PAQR5: variants seen among roughly 807,000 people sequenced by gnomAD.
PAQR5 encodes the protein progestin and adipoQ receptor family member 5.
Under a neutral mutation model 34.5 loss-of-function variants are expected in PAQR5, and 20 were observed. That is an observed-to-expected ratio of 0.58 (90% CI 0.41 to 0.84). The LOEUF is 0.84. Ranked by LOEUF, PAQR5 falls within the 40% of genes least tolerant of loss-of-function variation. PAQR5 has a pLI of 0.00. For synonymous variants in PAQR5, 131 were observed against 155.6 expected (o/e 0.84, Z 1.18); for missense variants, 378 against 412.7 (o/e 0.92, Z 0.73).
At chr15:69,400,677 A>G (rs2140267661) in intron 8 of PAQR5, among the ~76,000 whole-genome samples, 1 of 152,286 alleles carries the variant, frequency 6.6e-6, no homozygotes, top group East Asian at 1.9e-4. Context: ...TCCTATGTGA[A>G]GAGAAAAAGT....
chr15:69,316,319 G>A (rs2053947640), intron 1 of PAQR5, among the ~76,000 whole-genome samples: 1 of 152,116 alleles, frequency 6.6e-6, no homozygotes, highest in African/African-American at 2.4e-5. Flanking sequence ...GACCACAGGT[G>A]ATCCACCTGC....
chr15:69,397,283 T>C (rs1383629731), intron 6 of PAQR5, 185 bp from the exon 7 acceptor site: 1 of 699,356 alleles, frequency 1.4e-6, no homozygotes, highest in Non-Finnish European at 2.6e-6. Flanking sequence ...ATCTGAAGTT[T>C]TGTCACTTCC....
intron 1 of PAQR5, among the ~76,000 whole-genome samples, chr15:69,321,497 C>G (rs1164935279): frequency 6.6e-6 from 1 of 152,162 alleles, no homozygotes; most frequent in Non-Finnish European, 1.5e-5. Flanking sequence ...AAACACATAA[C>G]CACAGTACTA....
chr15:69,364,944 G>A (rs376401705), intron 3 of PAQR5, among the ~76,000 whole-genome samples: 325 of 152,068 alleles, frequency 2.1e-3, no homozygotes, highest in Non-Finnish European at 3.9e-3. Context: ...CACTATCTTG[G>A]CCAGGCTGGT....
chr15:69,352,189 G>T (rs770411656), intron 2 of PAQR5, among the ~76,000 whole-genome samples: 2 of 152,200 alleles, frequency 1.3e-5, no homozygotes, highest in African/African-American at 4.8e-5. Flanking sequence ...GCCTTTTGGA[G>T]CAAGGCCTTG....
chr15:69,316,715 A>G (rs1202689676), intron 1 of PAQR5, among the ~76,000 whole-genome samples: 2 of 152,196 alleles, frequency 1.3e-5, no homozygotes, highest in African/African-American at 2.4e-5. Context: ...ACACTTACTA[A>G]TGCTTGAAAC....
chr15:69,388,127 C>A (rs980376835), intron 5 of PAQR5, among the ~76,000 whole-genome samples: 1 of 152,178 alleles, frequency 6.6e-6, no homozygotes, highest in Non-Finnish European at 1.5e-5. Flanking sequence ...CACCCTCTGC[C>A]CCTGCCTCCC....
chr15:69,330,839 T>C (rs974187308), intron 1 of PAQR5, among the ~76,000 whole-genome samples: 4 of 152,206 alleles, frequency 2.6e-5, no homozygotes, highest in African/African-American at 9.6e-5. Context: ...CGGCTTTGTC[T>C]AGGCAGCAGG....
At chr15:69,386,891 CCTGA>C in intron 5 of PAQR5, among the ~76,000 whole-genome samples, 1 of 152,176 alleles carries the variant, frequency 6.6e-6, no homozygotes, top group Non-Finnish European at 1.5e-5. Flanking sequence ...GTATGTCCAA[CCTGA>C]CTGATGGTCG....
intron 1 of PAQR5, among the ~76,000 whole-genome samples, chr15:69,310,405 G>A (rs1040785319): frequency 6.6e-6 from 1 of 152,176 alleles, no homozygotes; most frequent in Non-Finnish European, 1.5e-5. Context: ...CTCCAACAGA[G>A]AGTGTTACCA....
chr15:69,359,364 C>T (rs112495912), intron 2 of PAQR5, among the ~76,000 whole-genome samples: 4,289 of 152,174 alleles, frequency 0.028, 130 homozygotes, highest in East Asian at 0.11. Context: ...AAGACGGAAG[C>T]GGTTTATTTG....
chr15:69,314,099 G>C (rs1172634978), intron 1 of PAQR5, among the ~76,000 whole-genome samples: 2 of 151,946 alleles, frequency 1.3e-5, no homozygotes, highest in Non-Finnish European at 2.9e-5. Context: ...GTTCTGAGAG[G>C]AGGGCTTCCG....
chr15:69,376,103 C>T (rs2055699127), intron 3 of PAQR5, among the ~76,000 whole-genome samples: 1 of 152,164 alleles, frequency 6.6e-6, no homozygotes, highest in Non-Finnish European at 1.5e-5. Context: ...GAGGTTCTCT[C>T]TTCTAAATAG....
Position 69,385,816 on chromosome 15 carries a change from C to T in PAQR5, c.385+934C>T, listed in dbSNP as rs2140943291. On this transcript the variant is annotated intron_variant, in intron 5 of 8. Coordinates refer to ENST00000395407, the MANE Select transcript of PAQR5 (RefSeq NM_017705.4). This position sits in a 1 kb window ranked among gnomAD's most constrained non-coding sequence, Gnocchi z 4.7. ...CACATACAATGCACTCACACATGCA[C>T]ATACACACACTCACCACATATACAC... Among the ~76,000 whole-genome samples, 1 of 151,966 alleles carries T rather than the reference C, an allele frequency of 6.6e-6. No individual in the cohort carries two copies. The highest frequency in any genetic ancestry group is 6.6e-5 in the Admixed American group (1 of 15,244).
chr15:69,331,645 C>T (rs575626185), intron 1 of PAQR5, among the ~76,000 whole-genome samples: 3 of 152,246 alleles, frequency 2.0e-5, no homozygotes, highest in East Asian at 1.9e-4. Flanking sequence ...ATCTGGTCTT[C>T]GCCTTGCCCA....
chr15:69,381,742 A>T (rs907725034), intron 4 of PAQR5, among the ~76,000 whole-genome samples: 1 of 152,210 alleles, frequency 6.6e-6, no homozygotes, highest in African/African-American at 2.4e-5. Flanking sequence ...CCACTGAAAA[A>T]TTGAAATAAC....
Position 69,403,598 on chromosome 15 carries a change from T to C in PAQR5, c.769T>C (p.Phe257Leu), listed in dbSNP as rs1409643737. 5.0e-6 allele frequency: 8 copies of C among 1,614,054 alleles called. No individual in the cohort carries two copies. The highest frequency in any genetic ancestry group is 6.8e-6 in the Non-Finnish European group (8 of 1,180,024). Residue 257 changes from phenylalanine to leucine, a missense_variant, in exon 9 of 9, where the codon TTT (phenylalanine) becomes CTT (leucine). Transcript: ENST00000395407. ...TGCCATAGGTCACAGTCACCAGCTG[T>C]TTCACGTGTGTGTGATCCTGGCCAC... ...FDYIGHSHQL[F>L]HVCVILATHM...
At chr15:69,300,937 C>CTTTCTTTCCTTCTTTCTTTCTT (rs56151928) in intron 1 of PAQR5, among the ~76,000 whole-genome samples, 1 of 5,154 alleles carries the variant, frequency 1.9e-4, no homozygotes, top group African/African-American at 3.0e-4. Flanking sequence ...CTCTCTCTCT[C>CTTTCTTTCCTTCTTTCTTTCTT]TCTTTCTTTC....
intron 6 of PAQR5, among the ~76,000 whole-genome samples, chr15:69,394,375 AAT>A (rs1037150934): frequency 6.6e-6 from 1 of 152,078 alleles, no homozygotes; most frequent in Non-Finnish European, 1.5e-5. Flanking sequence ...GGCATGGGGA[AAT>A]GTCTACATCC....
Sources: gnomAD v4.1 joint callset for allele counts (sites outside exome capture counted in the v4.1 genomes callset) on GRCh38, gnomAD v4.1.1 for gene constraint, Gnocchi (gnomAD v3.1) non-coding constraint, MANE v1.5 for transcripts, NCBI Gene and HGNC (gene_info 2026-07-23, HGNC 2026-07-21) for gene names.